The following RGS4 variants were observed in gnomAD, a reference collection of about 807,000 sequenced individuals.
The protein encoded by RGS4 is regulator of G protein signaling 4.
Under a neutral mutation model 21.6 loss-of-function variants are expected in RGS4, and 15 were observed. The ratio of observed to expected loss-of-function variants is 0.69; its 90% confidence interval spans 0.46 to 1.07. The LOEUF (loss-of-function observed/expected upper bound fraction) is 1.07, where lower values mean the gene tolerates loss of function less well. RGS4 is among the 50% of genes least tolerant of loss of function. The pLI is 0.00. For synonymous variants in RGS4, 94 were observed against 85.5 expected, an observed-to-expected ratio of 1.10 and a Z score of -0.55; for missense variants, 237 against 239.0, an observed-to-expected ratio of 0.99 and a Z score of 0.06.
At position 163,069,512 on chromosome 1, in the gene RGS4, G is replaced by A; in HGVS notation, c.28G>A (p.Ala10Thr). Residue 10 changes from alanine (A) to threonine (T), a missense_variant, in exon 1 of 5, where the codon GCT becomes ACT. Physicochemically the swap from Ala to Thr is moderately conservative, Grantham distance 58. Coordinates refer to ENST00000367909, the MANE Select transcript of RGS4 (RefSeq NM_005613.6). ...GTGCAAAGGGCTTGCAGGTCTGCCG[G>A]CTTCTTGCTTGAGGAGGTAAGATTG... Reference protein sequence around the residue: MCKGLAGLPASCLRSAKDMK... With the variant: MCKGLAGLPTSCLRSAKDMK... 6.2e-7 allele frequency: 1 copy of A among 1,613,256 alleles called. No homozygotes were observed. Among genetic ancestry groups the A allele is most frequent in the Non-Finnish European group, 8.5e-7 (1 of 1,179,590 alleles).
chr1:163,069,307 T>A (rs1164366589), upstream of RGS4: 1 of 1,551,318 alleles, frequency 6.4e-7, no homozygotes, highest in African/African-American at 1.4e-5. Context: ...GGTCGTCTGA[T>A]TGGCTGGACG....
Position 163,069,394 on chromosome 1 carries a change from C to T in RGS4, c.-91C>T. 1 of 1,595,304 alleles carries T rather than the reference C, an allele frequency of 6.3e-7. No individual in the cohort carries two copies. The highest frequency in any genetic ancestry group is 8.5e-7 in the Non-Finnish European group (1 of 1,169,776). On this transcript the variant is annotated 5_prime_UTR_variant, in exon 1 of 5. Transcript: ENST00000367909. ...CAGAGGATTCTGACAATATCTTTAC[C>T]GGAGAAGAGGCAAAGTACGCTCAAA...
chr1:163,072,371 T>C, intron 1 of RGS4, 24 bp from the exon 2 acceptor site: 1 of 1,535,940 alleles, frequency 6.5e-7, no homozygotes, highest in East Asian at 2.3e-5. Flanking sequence ...TTACTATTTA[T>C]TCATTTTTTT....
rs768772021 is a variant in RGS4 at position 163,069,364 on chromosome 1, A to G, written c.-121A>G. On this transcript the variant is annotated 5_prime_UTR_variant, in exon 1 of 5. Coordinates refer to ENST00000367909, the MANE Select transcript of RGS4 (RefSeq NM_005613.6). ...AGACCCCTACAGGCTTAGCAGGAAG[A>G]CGCTCAGAGGATTCTGACAATATCT... The G allele has an allele frequency of 1.9e-6, 3 of 1,562,744 alleles. No homozygotes were observed. Among genetic ancestry groups the G allele is most frequent in the Non-Finnish European group, 2.6e-6 (3 of 1,152,062 alleles).
upstream of RGS4, chr1:163,069,244 T>C: frequency 6.5e-7 from 1 of 1,542,208 alleles, no homozygotes. Context: ...CTTCCTCATC[T>C]CTTTCAGGGG....
chr1:163,072,140 T>C, intron 1 of RGS4: 14 of 1,159,750 alleles, frequency 1.2e-5, no homozygotes, highest in Non-Finnish European at 1.5e-5. Context: ...CTCAGGTTTC[T>C]GAGGTAAACT....
chr1:163,073,708 T>A (rs2102344703), intron 4 of RGS4, 86 bp downstream of exon 4: 1 of 890,976 alleles, frequency 1.1e-6, no homozygotes, highest in South Asian at 1.9e-5. Flanking sequence ...GTGATAACAA[T>A]CAAATCAGGG....
chr1:163,069,521 T>C lies in RGS4; in HGVS notation c.37T>C (p.Leu13=), dbSNP rs1259313231. 9.3e-6 allele frequency: 15 copies of C among 1,613,102 alleles called. No individual in the cohort carries two copies. The highest frequency in any genetic ancestry group is 1.3e-5 in the Non-Finnish European group (15 of 1,179,434). Residue 13 remains leucine (L), a synonymous_variant, in exon 1 of 5, where the codon TTG becomes CTG. Coordinates refer to ENST00000367909, the MANE Select transcript of RGS4 (RefSeq NM_005613.6). ...GCTTGCAGGTCTGCCGGCTTCTTGC[T>C]TGAGGAGGTAAGATTGCTTTCAGCC... ...KGLAGLPASC[L]RSAKDMKHRL...
At position 163,072,864 on chromosome 1, in the gene RGS4, A is replaced by G. The variant is rs374939117; in HGVS notation, c.209A>G (p.Glu70Gly). ...AESLENLISH[E>G]CGLAAFKAFL... Reference sequence around the variant, plus strand: ...TCACTGGAAAACCTGATTAGTCATGAATGTAAGTCTGACAGCAACCTGGGA... The same window carrying G: ...TCACTGGAAAACCTGATTAGTCATGGATGTAAGTCTGACAGCAACCTGGGA... Residue 70 changes from glutamate to glycine, a missense_variant and splice_region_variant, in exon 3 of 5, where the codon GAA (glutamate) becomes GGA (glycine). Coordinates refer to ENST00000367909, the MANE Select transcript of RGS4 (RefSeq NM_005613.6). 7 of 1,612,676 alleles carry G rather than the reference A, an allele frequency of 4.3e-6. No homozygotes were observed. Among genetic ancestry groups the G allele is most frequent in the Non-Finnish European group, 5.9e-6 (7 of 1,179,144 alleles).
intron 4 of RGS4, 53 bp downstream of exon 4, chr1:163,073,675 A>C: frequency 1.7e-6 from 2 of 1,206,446 alleles, no homozygotes; most frequent in Admixed American, 2.5e-5. Flanking sequence ...AGTATGTGTG[A>C]TATTTTGATA....
upstream of RGS4, chr1:163,068,875 C>A (rs1358554873): frequency 8.7e-7 from 1 of 1,147,450 alleles, no homozygotes; most frequent in African/African-American, 1.5e-5. Context: ...CAAATCACTG[C>A]GTGGAGACGA....
Position 163,073,797 on chromosome 1 carries a change from TA to T in RGS4, c.378+179del, listed in dbSNP as rs910915608. 4 of 534,802 alleles carry T rather than the reference TA, an allele frequency of 7.5e-6. No individual in the cohort carries two copies. In the African/African-American group the frequency reaches 7.8e-5, roughly 10 times the overall value. 33.1% of individuals were successfully genotyped at this position (534,802 alleles called of 1,614,324 possible). ...TCCAAATCTCCTCTTCTAGCTATCTTAAAATATACAATAAACTATTGATAAC... is the reference window on the plus strand; with the variant it reads ...TCCAAATCTCCTCTTCTAGCTATCTTAAATATACAATAAACTATTGATAAC... On this transcript the variant is annotated intron_variant, in intron 4 of 4. Transcript: ENST00000367909.
chr1:163,070,462 T>C (rs1236153475), intron 1 of RGS4: 2 of 152,168 alleles, frequency 1.3e-5, no homozygotes, highest in African/African-American at 4.8e-5. Context: ...GGAAATAATC[T>C]CAGAAAACAT....
Position 163,072,500 on chromosome 1 carries a change from G to T in RGS4, c.149+1G>T. On this transcript the variant is annotated splice_donor_variant, in intron 2 of 4. Transcript: ENST00000367909. LOFTEE classifies it high-confidence loss of function. ...AGGACAAAGTGGTTATTTGCCAGAG[G>T]TAAGAGAAAAGGCCTTGGTGAAGAT... is the stretch of plus-strand genomic sequence containing the variant. 1 of 1,599,900 alleles carries T rather than the reference G, an allele frequency of 6.3e-7. No homozygotes were observed.
chr1:163,074,429 G>A lies in RGS4; in HGVS notation c.487G>A (p.Asp163Asn), dbSNP rs1309758614. Residue 163 changes from aspartate (D) to asparagine (N), a missense_variant, in exon 5 of 5, where the codon GAT becomes AAT. Physicochemically the swap from Asp to Asn is conservative, Grantham distance 23 (BLOSUM62 1). Coordinates refer to ENST00000367909, the MANE Select transcript of RGS4 (RefSeq NM_005613.6). ...GAAGATTTTCAACCTGATGGAGAAG[G>A]ATTCCTACCGCCGCTTCCTCAAGTC... ...QKKIFNLMEK[D>N]SYRRFLKSRF... 1 of 1,613,788 alleles carries A rather than the reference G, an allele frequency of 6.2e-7. No individual in the cohort carries two copies. The highest frequency in any genetic ancestry group is 1.3e-5 in the African/African-American group (1 of 74,888).
At chr1:163,069,900 G>A (rs1427052331) in intron 1 of RGS4, among the ~76,000 whole-genome samples, 1 of 152,108 alleles carries the variant, frequency 6.6e-6, no homozygotes, top group Non-Finnish European at 1.5e-5. Flanking sequence ...TAGAAGCCTG[G>A]CTCTGGGCTT....
chr1:163,069,528 G>C lies in RGS4; in HGVS notation c.44G>C (p.Ser15Thr). The change falls in exon 1 of 5, where the codon AGT becomes ACT. Residue 15 changes from serine (S) to threonine (T), a missense_variant and splice_region_variant. By Grantham distance (58) the Ser-to-Thr change is moderately conservative. Coordinates refer to ENST00000367909, the MANE Select transcript of RGS4 (RefSeq NM_005613.6). ...GGTCTGCCGGCTTCTTGCTTGAGGA[G>C]GTAAGATTGCTTTCAGCCATTAACC... is the stretch of plus-strand genomic sequence containing the variant. ...LAGLPASCLRSAKDMKHRLGF... is the reference protein window; with the variant it reads ...LAGLPASCLRTAKDMKHRLGF... The C allele has an allele frequency of 6.2e-7, 1 of 1,611,924 alleles. No individual in the cohort carries two copies. Among genetic ancestry groups the C allele is most frequent in the Non-Finnish European group, 8.5e-7 (1 of 1,178,594 alleles).
chr1:163,074,737 GA>G lies in RGS4; in HGVS notation c.*178del. On this transcript the variant is annotated 3_prime_UTR_variant, in exon 5 of 5. Coordinates refer to ENST00000367909, the MANE Select transcript of RGS4 (RefSeq NM_005613.6). Reference sequence around the variant, plus strand: ...AAACTAGATATAGCTTTTGGTGTTTGAGTGTTCATCAGGGTGGGACCCCATT... The same window carrying G: ...AAACTAGATATAGCTTTTGGTGTTTGGTGTTCATCAGGGTGGGACCCCATT... 2 of 954,910 alleles carry G rather than the reference GA, an allele frequency of 2.1e-6. No individual in the cohort carries two copies. Among genetic ancestry groups the G allele is most frequent in the Non-Finnish European group, 3.3e-6 (2 of 614,370 alleles). 59.2% of individuals were successfully genotyped at this position (954,910 alleles called of 1,614,324 possible). A position where few individuals can be genotyped will look rare whatever the true frequency, so the allele number is the denominator to read the frequency against.
Position 163,074,456 on chromosome 1 carries a change from C to CTATCAA in RGS4, c.514_515insTATCAA (p.Ser171_Arg172insLeuSer). ...TTCCTACCGCCGCTTCCTCAAGTCT[C>CTATCAA]GATTCTATCTTGATTTGGTCAACCC... On this transcript the variant is annotated inframe_insertion, in exon 5 of 5. Transcript: ENST00000367909. 6.2e-7 allele frequency: 1 copy of CTATCAA among 1,613,878 alleles called. No homozygotes were observed. The highest frequency in any genetic ancestry group is 8.5e-7 in the Non-Finnish European group (1 of 1,179,840).
Sources: allele counts gnomAD v4.1 joint callset (sites outside exome capture counted in the v4.1 genomes callset), GRCh38; gene constraint gnomAD v4.1.1; transcripts MANE v1.5; gene names NCBI Gene and HGNC (gene_info 2026-07-23, HGNC 2026-07-21).